Variants in BFSP2 observed in about 807,000 individuals in gnomAD.
The protein encoded by BFSP2 is beaded filament structural protein 2, also known as phakinin.
BFSP2 carries 38 observed loss-of-function variants against 44.9 expected under a neutral mutation model. That is an observed-to-expected ratio of 0.85 (90% confidence interval 0.65 to 1.11). BFSP2 has a LOEUF of 1.11. Ranked by LOEUF, BFSP2 falls within the 50% of genes least tolerant of loss-of-function variation. BFSP2 has a pLI of 0.00. For missense variants in BFSP2, 525 were observed against 533.0 expected (o/e 0.99, Z 0.15); for synonymous variants, 197 against 209.9 (o/e 0.94, Z 0.53).
At chr3:133,453,929 T>TA (rs1376924222) in intron 4 of BFSP2, among the ~76,000 whole-genome samples, 1 of 152,232 alleles carries the variant, frequency 6.6e-6, no homozygotes, top group East Asian at 1.9e-4. Context: ...GCTATGGTGT[T>TA]ACGAATGTCA....
intron 1 of BFSP2, among the ~76,000 whole-genome samples, chr3:133,411,193 A>C (rs894967185): frequency 1.1e-4 from 16 of 151,978 alleles, no homozygotes; most frequent in African/African-American, 3.4e-4. Flanking sequence ...AAAAAAAAAA[A>C]AAAAAACTAA....
At chr3:133,441,817 G>C (rs747528216) in intron 1 of BFSP2, among the ~76,000 whole-genome samples, 1 of 152,134 alleles carries the variant, frequency 6.6e-6, no homozygotes, top group Non-Finnish European at 1.5e-5. Flanking sequence ...TACAAGCTTT[G>C]GTAAGTGTTT....
At chr3:133,465,164 G>A (rs1256816538) in intron 4 of BFSP2, among the ~76,000 whole-genome samples, 4 of 151,756 alleles carry the variant, frequency 2.6e-5, no homozygotes, top group South Asian at 2.1e-4. Context: ...CTACCATCAC[G>A]CCTGGCTAAT....
intron 4 of BFSP2, among the ~76,000 whole-genome samples, chr3:133,463,614 AT>A (rs2074084118): frequency 6.6e-6 from 1 of 152,228 alleles, no homozygotes; most frequent in Non-Finnish European, 1.5e-5. Flanking sequence ...CTAGGAGGTC[AT>A]ATACCAGTTT....
chr3:133,422,315 T>A (rs2073600660), intron 1 of BFSP2, among the ~76,000 whole-genome samples: 1 of 152,112 alleles, frequency 6.6e-6, no homozygotes, highest in Non-Finnish European at 1.5e-5. Flanking sequence ...AGGCATTGGA[T>A]CTCACTGACA....
intron 5 of BFSP2, among the ~76,000 whole-genome samples, chr3:133,467,436 G>A (rs976426938): frequency 2.6e-5 from 4 of 152,098 alleles, no homozygotes; most frequent in Non-Finnish European, 4.4e-5. Flanking sequence ...CCACATCCTC[G>A]CTTAGTGCCT....
intron 1 of BFSP2, among the ~76,000 whole-genome samples, chr3:133,444,833 T>C (rs1463995158): frequency 1.3e-5 from 2 of 152,142 alleles, no homozygotes; most frequent in Non-Finnish European, 2.9e-5. Flanking sequence ...CGCAAGAGCC[T>C]CCCGACTGGT....
At position 133,456,024 on chromosome 3, in the gene BFSP2, G is replaced by A. The variant is rs1576591746; in HGVS notation, c.891+5560G>A. On this transcript the variant is annotated intron_variant, in intron 4 of 6. Coordinates refer to ENST00000302334, the MANE Select transcript of BFSP2 (RefSeq NM_003571.4). ...CTCCATCCCTTGCCTGCTGCAACTG[G>A]TTGATGTATACAATACCCAAAGGCT... Among the ~76,000 whole-genome samples the A allele has an allele frequency of 5.9e-5, 9 of 152,274 alleles. No individual in the cohort carries two copies. The South Asian group carries it at 1.7e-3, about 28-fold the overall frequency.
chr3:133,429,979 C>A (rs1214543732), intron 1 of BFSP2, among the ~76,000 whole-genome samples: 4 of 150,432 alleles, frequency 2.7e-5, no homozygotes, highest in African/African-American at 7.5e-5. Context: ...TTGTTCAATT[C>A]CCACCTATGA....
chr3:133,466,166 A>AT (rs1157262156), intron 4 of BFSP2, among the ~76,000 whole-genome samples: 15 of 114,522 alleles, frequency 1.3e-4, no homozygotes, highest in Admixed American at 9.7e-4. Flanking sequence ...GTACCAAAGC[A>AT]CGGGGGGGGC....
intron 1 of BFSP2, among the ~76,000 whole-genome samples, chr3:133,435,837 G>A (rs529480082): frequency 6.6e-6 from 1 of 152,054 alleles, no homozygotes; most frequent in Non-Finnish European, 1.5e-5. Flanking sequence ...TTTCTTTAGG[G>A]CATTGTCCCC....
At chr3:133,422,544 T>C (rs1025183932) in intron 1 of BFSP2, among the ~76,000 whole-genome samples, 4 of 152,116 alleles carry the variant, frequency 2.6e-5, no homozygotes, top group African/African-American at 9.7e-5. Context: ...CCCGCAGCCA[T>C]AGAGGAGGCT....
Position 133,400,201 on chromosome 3 carries a change from C to A in BFSP2, c.118C>A (p.Pro40Thr), listed in dbSNP as rs771958150. 1.9e-6 allele frequency: 3 copies of A among 1,614,092 alleles called. No individual in the cohort carries two copies. Among genetic ancestry groups the A allele is most frequent in the Admixed American group, 1.7e-5 (1 of 60,032 alleles). ...PRSSSSLESPPASRTNAMSGL... is the reference protein window; with the variant it reads ...PRSSSSLESPTASRTNAMSGL... Reference sequence around the variant, plus strand: ...GTCATCATCCTCCCTGGAGAGCCCCCCAGCCTCCAGGACCAATGCCATGAG... The same window carrying A: ...GTCATCATCCTCCCTGGAGAGCCCCACAGCCTCCAGGACCAATGCCATGAG... Residue 40 changes from proline (P) to threonine (T), a missense_variant, in exon 1 of 7, where the codon CCA becomes ACA. Transcript: ENST00000302334. The surrounding 1 kb of genome is among the most constrained non-coding windows in gnomAD (Gnocchi z 4.0).
At chr3:133,448,949 C>A in intron 3 of BFSP2, 12 of 362,956 alleles carry the variant, frequency 3.3e-5, no homozygotes, top group Non-Finnish European at 5.2e-5. Flanking sequence ...CTCCTCAATG[C>A]ATTCTATGTC....
chr3:133,417,060 TCCCTGCCCTCTCCCTTCTACTCAG>T (rs2073541731), intron 1 of BFSP2, among the ~76,000 whole-genome samples: 5 of 61,984 alleles, frequency 8.1e-5, no homozygotes, highest in Admixed American at 1.5e-4. Flanking sequence ...CCTCAACTCA[TCCCTGCCCTCTCCCTTCTACTCAG>T]CCCTGCCCTC....
chr3:133,461,431 T>A (rs1275257354), intron 4 of BFSP2, among the ~76,000 whole-genome samples: 1 of 152,172 alleles, frequency 6.6e-6, no homozygotes, highest in East Asian at 1.9e-4. Flanking sequence ...TCAGGTCCTG[T>A]GCAGTTTCAA....
At chr3:133,408,197 A>G (rs1012721979) in intron 1 of BFSP2, among the ~76,000 whole-genome samples, 1 of 152,200 alleles carries the variant, frequency 6.6e-6, no homozygotes, top group African/African-American at 2.4e-5. Flanking sequence ...GCACTCTTTT[A>G]TTTTTAAATG....
chr3:133,408,222 A>T (rs2073420307), intron 1 of BFSP2, among the ~76,000 whole-genome samples: 2 of 152,220 alleles, frequency 1.3e-5, no homozygotes, highest in African/African-American at 4.8e-5. Flanking sequence ...AGATATGAAC[A>T]GACAGTTGAC....
intron 1 of BFSP2, among the ~76,000 whole-genome samples, chr3:133,432,149 T>C (rs934532382): frequency 6.6e-5 from 10 of 152,206 alleles, no homozygotes; most frequent in African/African-American, 2.4e-4. Flanking sequence ...AAGCCTGTTA[T>C]CACTCGCCTG....
Sources: gnomAD v4.1 joint callset for allele counts (sites outside exome capture counted in the v4.1 genomes callset) on GRCh38, gnomAD v4.1.1 for gene constraint, Gnocchi (gnomAD v3.1) non-coding constraint, MANE v1.5 for transcripts, NCBI Gene and HGNC (gene_info 2026-07-23, HGNC 2026-07-21) for gene names.